Variants in NRP1 observed in about 807,000 individuals in gnomAD.
The protein encoded by NRP1 is neuropilin-1.
NRP1 carries 35 observed loss-of-function variants against 106.7 expected under a neutral mutation model. That is an observed-to-expected ratio of 0.33 (90% CI 0.25 to 0.43). NRP1 has a LOEUF of 0.43. Ranked by LOEUF, NRP1 falls within the 20% of genes least tolerant of loss-of-function variation. The probability of loss-of-function intolerance (pLI) is 1.00; values close to 1 mark genes in which losing one functional copy is unlikely to be tolerated. For missense variants in NRP1, 1,024 were observed against 1,170.4 expected (o/e 0.87, Z 1.83); for synonymous variants, 437 against 417.9 (o/e 1.05, Z -0.56).
chr10:33,254,290 C>A, intron 5 of NRP1, 96 bp from the exon 6 acceptor site: 1 of 1,124,632 alleles, frequency 8.9e-7, no homozygotes, highest in Non-Finnish European at 1.3e-6. Context: ...TTCTTTCATT[C>A]AAAATTCTTT....
At chr10:33,208,179 G>T (rs948679789) in intron 9 of NRP1, among the ~76,000 whole-genome samples, 4 of 152,148 alleles carry the variant, frequency 2.6e-5, no homozygotes, top group Non-Finnish European at 5.9e-5. Context: ...GCTTGCCTCT[G>T]CCTCCCAAAG....
Position 33,202,984 on chromosome 10 carries a change from C to G in NRP1, c.1771G>C (p.Gly591Arg). Residue 591 changes from glycine to arginine, a missense_variant, in exon 11 of 17, where the codon GGA (glycine) becomes CGA (arginine). Physicochemically the swap from Gly to Arg is moderately radical, Grantham distance 125. Coordinates refer to ENST00000374867, the MANE Select transcript of NRP1 (RefSeq NM_003873.7). ...AAGTTCCCGTTGGGAGTGGTCGGTCCAGCTGTAGGGGCTGAAACAAGATCC... is the reference window on the plus strand; with the variant it reads ...AAGTTCCCGTTGGGAGTGGTCGGTCGAGCTGTAGGGGCTGAAACAAGATCC... ...LGCEVEAPTAGPTTPNGNLVD... is the reference protein window; with the variant it reads ...LGCEVEAPTARPTTPNGNLVD... 6.2e-7 allele frequency: 1 copy of G among 1,613,158 alleles called. No homozygotes were observed. The highest frequency in any genetic ancestry group is 8.5e-7 in the Non-Finnish European group (1 of 1,179,478).
intron 7 of NRP1, among the ~76,000 whole-genome samples, chr10:33,222,132 G>A (rs866836313): frequency 3.3e-5 from 5 of 152,130 alleles, no homozygotes; most frequent in African/African-American, 9.7e-5. Context: ...ATTAAAGAAC[G>A]CATGCTATTA....
chr10:33,301,756 T>C (rs950026025), intron 2 of NRP1, among the ~76,000 whole-genome samples: 1 of 152,144 alleles, frequency 6.6e-6, no homozygotes, highest in African/African-American at 2.4e-5. Context: ...AAAAAAGTTT[T>C]TGGAGAAAAA....
chr10:33,257,218 A>G (rs1210744632), intron 4 of NRP1, among the ~76,000 whole-genome samples: 1 of 152,226 alleles, frequency 6.6e-6, no homozygotes, highest in Non-Finnish European at 1.5e-5. Flanking sequence ...CCTAAATCTG[A>G]GAGGTGACTT....
chr10:33,270,580 G>T, intron 3 of NRP1, 95 bp downstream of exon 3: 1 of 1,055,458 alleles, frequency 9.5e-7, no homozygotes, highest in Non-Finnish European at 1.3e-6. Flanking sequence ...ACCTGCCTCG[G>T]CCTCCCAAAG....
intron 6 of NRP1, among the ~76,000 whole-genome samples, chr10:33,235,040 T>C (rs1840450821): frequency 6.6e-6 from 1 of 152,204 alleles, no homozygotes; most frequent in South Asian, 2.1e-4. Context: ...AAGGAGATAG[T>C]GCTTACATGG....
rs1564372697 is a variant in NRP1, at chr10:33,199,377, ATATATATATATATTTTTTTTTTTT to A, written c.1865-1692_1865-1669del. Among the ~76,000 whole-genome samples the A allele has an allele frequency of 2.2e-3, 112 of 51,928 alleles. 2 individuals are homozygous for A. The highest frequency in any genetic ancestry group is 8.7e-3 in the African/African-American group (107 of 12,344). The allele number at this position is 51,928 out of a possible 152,430, so 34.1% of individuals were successfully genotyped here. A position where few individuals can be genotyped will look rare whatever the true frequency, so the allele number is the denominator to read the frequency against. Reference sequence around the variant, plus strand: ...ATGCCTGGCTGTTTTCTATATATATATATATATATATATTTTTTTTTTTTTTTTTTTTTTTTTTTTTTTTGGCGG... The same window carrying A: ...ATGCCTGGCTGTTTTCTATATATATATTTTTTTTTTTTTTTTTTTTGGCGG... On this transcript the variant is annotated intron_variant, in intron 11 of 16. Transcript: ENST00000374867.
At chr10:33,196,373 A>G (rs183847417) in intron 12 of NRP1, among the ~76,000 whole-genome samples, 329 of 152,304 alleles carry the variant, frequency 2.2e-3, no homozygotes, top group Non-Finnish European at 3.1e-3. Flanking sequence ...GACATAGAGA[A>G]CCAACTGGTG....
chr10:33,192,439 A>G, intron 12 of NRP1, 21 bp from the exon 13 acceptor site: 1 of 1,611,788 alleles, frequency 6.2e-7, no homozygotes, highest in Non-Finnish European at 8.5e-7. Flanking sequence ...TGGGAAGTAA[A>G]AATAAGAGAC....
At chr10:33,193,792 A>G (rs1384443343) in intron 12 of NRP1, among the ~76,000 whole-genome samples, 1 of 152,144 alleles carries the variant, frequency 6.6e-6, no homozygotes, top group Non-Finnish European at 1.5e-5. Flanking sequence ...GATTTATTGA[A>G]TAGATAAGAA....
chr10:33,306,921 G>C (rs958114291), intron 2 of NRP1, among the ~76,000 whole-genome samples: 6 of 152,200 alleles, frequency 3.9e-5, no homozygotes, highest in African/African-American at 1.4e-4. Context: ...GAGTTGGACT[G>C]AATTTCTCAA....
At chr10:33,267,073 C>T (rs575228462) in intron 3 of NRP1, among the ~76,000 whole-genome samples, 6 of 152,244 alleles carry the variant, frequency 3.9e-5, no homozygotes, top group Non-Finnish European at 8.8e-5. Context: ...AGCACCTCCC[C>T]TCCCCTCTCT....
chr10:33,202,032 C>T (rs1837353548), intron 11 of NRP1: 1 of 152,178 alleles, frequency 6.6e-6, no homozygotes, highest in Non-Finnish European at 1.5e-5. Context: ...CGAGTCCCTT[C>T]TGGGTAAAAA....
chr10:33,188,240 C>T (rs1588686341), intron 13 of NRP1, among the ~76,000 whole-genome samples: 1 of 152,152 alleles, frequency 6.6e-6, no homozygotes, highest in Non-Finnish European at 1.5e-5. Flanking sequence ...ATGTCTTAAT[C>T]CCACTTATTG....
At chr10:33,229,841 A>G (rs1839966640) in intron 6 of NRP1, among the ~76,000 whole-genome samples, 1 of 152,134 alleles carries the variant, frequency 6.6e-6, no homozygotes, top group African/African-American at 2.4e-5. Context: ...TCTCAACAGC[A>G]ATGAAATGCA....
intron 2 of NRP1, among the ~76,000 whole-genome samples, chr10:33,318,271 G>A (rs1441768011): frequency 6.6e-6 from 1 of 152,116 alleles, no homozygotes; most frequent in Non-Finnish European, 1.5e-5. Context: ...GATGTTAATG[G>A]TGCCATAATG....
chr10:33,306,303 T>C (rs2132741141), intron 2 of NRP1, among the ~76,000 whole-genome samples: 1 of 152,088 alleles, frequency 6.6e-6, no homozygotes, highest in African/African-American at 2.4e-5. Context: ...ACTGCCGGAC[T>C]CTGATGTAGT....
At chr10:33,210,191 CT>C (rs79402007) in intron 9 of NRP1, among the ~76,000 whole-genome samples, 2,181 of 139,988 alleles carry the variant, frequency 0.016, 49 homozygotes, top group African/African-American at 0.051. Flanking sequence ...ATTAAAATTT[CT>C]TTTTTTTTTT....
Sources: allele counts gnomAD v4.1 joint callset (sites outside exome capture counted in the v4.1 genomes callset), GRCh38; gene constraint gnomAD v4.1.1; transcripts MANE v1.5; gene names NCBI Gene and HGNC (gene_info 2026-07-23, HGNC 2026-07-21).